The following USO1 variants were observed in gnomAD, a reference collection of about 807,000 sequenced individuals.
USO1 encodes the protein USO1 vesicle transport factor.
USO1 carries 57 observed loss-of-function variants against 124.5 expected under a neutral mutation model. The ratio of observed to expected loss-of-function variants is 0.46; its 90% CI spans 0.37 to 0.57. The LOEUF (loss-of-function observed/expected upper bound fraction) is 0.57, where lower values mean the gene tolerates loss of function less well. Among genes scored for constraint, USO1 ranks in the 20% least tolerant of loss-of-function variants. The pLI is 0.00. For missense variants in USO1, 900 were observed against 1,040.6 expected, an observed-to-expected ratio of 0.86 and a Z score of 1.86; for synonymous variants, 369 against 362.8, an observed-to-expected ratio of 1.02 and a Z score of -0.19.
chr4:75,802,208 A>G (rs948557651), intron 17 of USO1, among the ~76,000 whole-genome samples: 6 of 152,244 alleles, frequency 3.9e-5, no homozygotes, highest in Admixed American at 6.5e-5. Flanking sequence ...AAGTAAATCA[A>G]TCAATAAATT....
At chr4:75,779,207 C>T (rs1014968161) in intron 8 of USO1, among the ~76,000 whole-genome samples, 1 of 152,134 alleles carries the variant, frequency 6.6e-6, no homozygotes. Context: ...TTCCCCTCTT[C>T]CCCTCCCTCC....
chr4:75,758,883 A>G (rs1459132384), intron 4 of USO1, among the ~76,000 whole-genome samples: 1 of 152,228 alleles, frequency 6.6e-6, no homozygotes, highest in Non-Finnish European at 1.5e-5. Flanking sequence ...ACACAAGAAT[A>G]TACTTTGAAG....
At chr4:75,725,329 A>G (rs1300878687) in intron 1 of USO1, among the ~76,000 whole-genome samples, 1 of 152,168 alleles carries the variant, frequency 6.6e-6, no homozygotes, top group Non-Finnish European at 1.5e-5. Context: ...GGCGTTGGGG[A>G]AAACTGCGAG....
chr4:75,799,290 G>A (rs1378615745), intron 13 of USO1, among the ~76,000 whole-genome samples: 1 of 151,816 alleles, frequency 6.6e-6, no homozygotes, highest in African/African-American at 2.4e-5. Flanking sequence ...ATTGTAAAGG[G>A]TCTTGGGATT....
intron 8 of USO1, among the ~76,000 whole-genome samples, chr4:75,779,090 G>C (rs1722149487): frequency 6.6e-6 from 1 of 151,942 alleles, no homozygotes; most frequent in Non-Finnish European, 1.5e-5. Flanking sequence ...AATTGTTTTG[G>C]GGTACCACAA....
intron 7 of USO1, among the ~76,000 whole-genome samples, chr4:75,773,627 T>C (rs1721994659): frequency 6.6e-6 from 1 of 152,184 alleles, no homozygotes; most frequent in Non-Finnish European, 1.5e-5. Context: ...AGCCTAAATA[T>C]TTTCTCCACT....
At chr4:75,748,737 A>G (rs1159808593) in intron 1 of USO1, among the ~76,000 whole-genome samples, 1 of 152,154 alleles carries the variant, frequency 6.6e-6, no homozygotes, top group African/African-American at 2.4e-5. Flanking sequence ...AAGACTAAGA[A>G]GAAGCAGAAA....
In USO1 at chr4:75,813,189, A is replaced by G. The variant is rs762498558; in HGVS notation, c.2800-17A>G. ...TGAACAGATTTTCACAATATTAAAT[A>G]CGTCTTTTTCCTCTAGGTTGAAGAA... On this transcript the variant is annotated splice_polypyrimidine_tract_variant and intron_variant, in intron 23 of 23. Transcript: ENST00000514213. 21 of 1,595,972 alleles carry G rather than the reference A, an allele frequency of 1.3e-5. No individual in the cohort carries two copies. In the East Asian group the frequency reaches 4.0e-4, roughly 31 times the overall value.
At chr4:75,739,036 T>C (rs1208975924) in intron 1 of USO1, among the ~76,000 whole-genome samples, 1 of 152,002 alleles carries the variant, frequency 6.6e-6, no homozygotes, top group Admixed American at 6.6e-5. Flanking sequence ...GTAACTTTAG[T>C]AGAGACAGGG....
intron 9 of USO1, 92 bp downstream of exon 9, chr4:75,782,950 A>G: frequency 1.4e-6 from 2 of 1,423,112 alleles, no homozygotes; most frequent in African/African-American, 1.5e-5. Context: ...AATCCAGAAT[A>G]TTTGATGGAT....
At chr4:75,743,296 A>G (rs1185524770) in intron 1 of USO1, among the ~76,000 whole-genome samples, 3 of 152,132 alleles carry the variant, frequency 2.0e-5, no homozygotes, top group Non-Finnish European at 4.4e-5. Flanking sequence ...AATAAGTGTT[A>G]TCTTTTAACT....
chr4:75,782,354 A>G (rs1356848679), intron 8 of USO1, among the ~76,000 whole-genome samples: 1 of 152,234 alleles, frequency 6.6e-6, no homozygotes, highest in Non-Finnish European at 1.5e-5. Context: ...GGCTACTGTA[A>G]GAGCATGTAG....
chr4:75,764,350 T>C (rs1024553894), intron 4 of USO1, among the ~76,000 whole-genome samples: 2 of 152,170 alleles, frequency 1.3e-5, no homozygotes, highest in Non-Finnish European at 2.9e-5. Context: ...ATAAATACTA[T>C]ATTCCCCTCT....
intron 3 of USO1, 72 bp from the exon 4 acceptor site, chr4:75,757,425 A>G (rs2149158946): frequency 7.6e-7 from 1 of 1,323,172 alleles, no homozygotes. Context: ...AAATTGCTAA[A>G]TAACTAAAAA....
chr4:75,801,004 G>A lies in USO1; in HGVS notation c.1865-75G>A, dbSNP rs1243016810. On this transcript the variant is annotated intron_variant, in intron 16 of 23. Coordinates refer to ENST00000514213, the MANE Select transcript of USO1 (RefSeq NM_003715.4). ...TACCTATCATGGAGTTAGGTTATAT[G>A]TTTTTACTAAGTCTTAGTAGTAAAA... is the stretch of plus-strand genomic sequence containing the variant. The A allele has an allele frequency of 2.1e-6, 3 of 1,408,518 alleles. No individual in the cohort carries two copies. In the East Asian group the frequency reaches 7.5e-5, roughly 35 times the overall value. 87.3% of individuals were successfully genotyped at this position (1,408,518 alleles called of 1,614,324 possible). A position where few individuals can be genotyped will look rare whatever the true frequency, so the allele number is the denominator to read the frequency against.
intron 1 of USO1, among the ~76,000 whole-genome samples, chr4:75,726,412 A>G (rs1577917700): frequency 6.6e-6 from 1 of 152,146 alleles, no homozygotes; most frequent in East Asian, 1.9e-4. Context: ...GTATTTCAAT[A>G]CTTTTTGGGA....
At chr4:75,803,644 C>A (rs528880089) in intron 17 of USO1, among the ~76,000 whole-genome samples, 1 of 146,250 alleles carries the variant, frequency 6.8e-6, no homozygotes, top group Non-Finnish European at 1.5e-5. Flanking sequence ...AGCGAAACTC[C>A]GTCTCAAAAA....
intron 1 of USO1, among the ~76,000 whole-genome samples, chr4:75,736,460 G>C (rs1291926585): frequency 6.6e-6 from 1 of 151,786 alleles, no homozygotes; most frequent in Non-Finnish European, 1.5e-5. Context: ...GGGATTACAG[G>C]CCTGGCTAAT....
At chr4:75,764,750 C>G (rs1329343736) in intron 4 of USO1, among the ~76,000 whole-genome samples, 1 of 152,116 alleles carries the variant, frequency 6.6e-6, no homozygotes, top group Non-Finnish European at 1.5e-5. Flanking sequence ...GTAAGCAAGG[C>G]TGTTTGACCC....
Sources: gnomAD v4.1 joint callset for allele counts (sites outside exome capture counted in the v4.1 genomes callset) on GRCh38, gnomAD v4.1.1 for gene constraint, MANE v1.5 for transcripts, NCBI Gene and HGNC (gene_info 2026-07-23, HGNC 2026-07-21) for gene names.